TMEM26: variants seen among roughly 807,000 people sequenced by gnomAD.
The protein encoded by TMEM26 is transmembrane protein 26.
In TMEM26, 38 loss-of-function variants were observed where a neutral mutation model predicts 28.8. The ratio of observed to expected loss-of-function variants is 1.32; its 90% confidence interval spans 1.02 to 1.73. The LOEUF is 1.73. TMEM26 is among the 40% of genes most tolerant of loss of function. The pLI is 0.00. For synonymous variants in TMEM26, 227 were observed against 182.9 expected, an observed-to-expected ratio of 1.24 and a Z score of -1.95; for missense variants, 518 against 447.1, an observed-to-expected ratio of 1.16 and a Z score of -1.43.
intron 1 of TMEM26, 84 bp downstream of exon 1, chr10:61,452,807 G>A: frequency 2.0e-6 from 3 of 1,473,616 alleles, no homozygotes; most frequent in Middle Eastern, 1.9e-4. Flanking sequence ...AGAATCTGCG[G>A]GTTGCGGGAA....
chr10:61,425,733 G>A (rs1299964477), intron 4 of TMEM26, among the ~76,000 whole-genome samples: 1 of 152,082 alleles, frequency 6.6e-6, no homozygotes, highest in Non-Finnish European at 1.5e-5. Context: ...TAATGTCCTG[G>A]TGAGATACCA....
At position 61,423,692 on chromosome 10, in the gene TMEM26, G is replaced by A. The variant is rs144011398; in HGVS notation, c.605+5234C>T. Among the ~76,000 whole-genome samples, 7 of 152,170 alleles carry A rather than the reference G, an allele frequency of 4.6e-5. No individual in the cohort carries two copies. The East Asian group carries it at 1.4e-3, about 29-fold the overall frequency. On this transcript the variant is annotated intron_variant, in intron 4 of 5. Coordinates refer to ENST00000399298, the MANE Select transcript of TMEM26 (RefSeq NM_178505.8). ...GGTCAGTGCAATGGTGATCACACTG[G>A]GTGGTGCCTAGACCCGGGCTAAAGG...
intron 4 of TMEM26, among the ~76,000 whole-genome samples, chr10:61,423,189 T>C (rs117098428): frequency 6.6e-6 from 1 of 152,142 alleles, no homozygotes; most frequent in Non-Finnish European, 1.5e-5. Flanking sequence ...AAAGTAATGA[T>C]ATTAAATTGA....
chr10:61,420,191 T>C (rs1057062454), intron 4 of TMEM26, among the ~76,000 whole-genome samples: 2 of 152,166 alleles, frequency 1.3e-5, no homozygotes, highest in African/African-American at 4.8e-5. Context: ...AAAGAAAATG[T>C]TATTTAGAAA....
intron 4 of TMEM26, chr10:61,413,950 C>A (rs1249418907): frequency 2.0e-6 from 2 of 986,732 alleles, no homozygotes; most frequent in Non-Finnish European, 2.4e-6. Flanking sequence ...AAAGACATTT[C>A]AAAAGAGCTA....
At chr10:61,436,802 C>T (rs1589039705) in intron 1 of TMEM26, among the ~76,000 whole-genome samples, 1 of 152,128 alleles carries the variant, frequency 6.6e-6, no homozygotes, top group African/African-American at 2.4e-5. Flanking sequence ...AAAACACCAA[C>T]AACCAACGGT....
intron 1 of TMEM26, among the ~76,000 whole-genome samples, 181 bp from the exon 2 acceptor site, chr10:61,436,429 A>T (rs1840010282): frequency 6.6e-6 from 1 of 152,218 alleles, no homozygotes. Context: ...TTTCTGCCAT[A>T]TGGATTATAA....
intron 4 of TMEM26, among the ~76,000 whole-genome samples, chr10:61,423,516 G>A (rs748048831): frequency 7.9e-5 from 12 of 152,250 alleles, no homozygotes; most frequent in East Asian, 1.9e-4. Flanking sequence ...GGCTTAGGCC[G>A]GGGGACTGAA....
chr10:61,447,542 T>C (rs1840204800), intron 1 of TMEM26, among the ~76,000 whole-genome samples: 1 of 152,226 alleles, frequency 6.6e-6, no homozygotes, highest in Admixed American at 6.5e-5. Context: ...TTTTCAGCTG[T>C]GAGCCATCCA....
intron 1 of TMEM26, among the ~76,000 whole-genome samples, chr10:61,440,452 G>T (rs954365753): frequency 7.0e-6 from 1 of 143,422 alleles, no homozygotes; most frequent in Non-Finnish European, 1.5e-5. Flanking sequence ...CCCACCTCTT[G>T]CTCTCTCTTG....
chr10:61,416,023 A>G, intron 4 of TMEM26: 1 of 413,704 alleles, frequency 2.4e-6, no homozygotes, highest in Non-Finnish European at 4.8e-6. Flanking sequence ...AAATTTCATC[A>G]CAATAGAGGA....
chr10:61,410,577 C>G lies in TMEM26; in HGVS notation c.852G>C (p.Gln284His), dbSNP rs1247191587. 1 of 1,614,142 alleles carries G rather than the reference C, an allele frequency of 6.2e-7. No homozygotes were observed. Among genetic ancestry groups the G allele is most frequent in the Admixed American group, 1.7e-5 (1 of 60,014 alleles). The change falls in exon 6 of 6, where the codon CAG becomes CAC. Residue 284 changes from glutamine (Q) to histidine (H), a missense_variant. Transcript: ENST00000399298. ...TCTTCGCGGCAAAGAACACCAGCAT[C>G]TGATTGATCACTTTGAAATAGGTCA... ...ILMTYFKVIN[Q>H]MLVFFAAKNF...
At chr10:61,419,005 T>A (rs1564473701) in intron 4 of TMEM26, among the ~76,000 whole-genome samples, 3 of 152,140 alleles carry the variant, frequency 2.0e-5, no homozygotes, top group Admixed American at 6.6e-5. Flanking sequence ...GCCCAAGTTA[T>A]TGACTGACCA....
At chr10:61,415,031 CATTTT>C in intron 4 of TMEM26, 1 of 985,354 alleles carries the variant, frequency 1.0e-6, no homozygotes, top group African/African-American at 1.7e-5. Context: ...TTCTACTTCA[CATTTT>C]ATCATGACTT....
At chr10:61,423,481 C>A (rs1178036164) in intron 4 of TMEM26, among the ~76,000 whole-genome samples, 2 of 152,210 alleles carry the variant, frequency 1.3e-5, no homozygotes, top group African/African-American at 4.8e-5. Flanking sequence ...CAGTGGCTCA[C>A]ATCTATAATC....
At chr10:61,415,978 G>A in intron 4 of TMEM26, 1 of 389,356 alleles carries the variant, frequency 2.6e-6, no homozygotes, top group South Asian at 1.9e-5. Flanking sequence ...GGCCAATTCA[G>A]GCTCAAAGGA....
At chr10:61,433,568 T>C (rs576928470) in intron 2 of TMEM26, among the ~76,000 whole-genome samples, 1 of 152,208 alleles carries the variant, frequency 6.6e-6, no homozygotes, top group South Asian at 2.1e-4. Flanking sequence ...GTCACAATCA[T>C]TGTCATAAAC....
intron 4 of TMEM26, among the ~76,000 whole-genome samples, chr10:61,418,446 G>A (rs1839689794): frequency 6.6e-6 from 1 of 151,840 alleles, no homozygotes. Flanking sequence ...CATTTCAAAG[G>A]GGCAGAAACA....
At chr10:61,416,643 T>C (rs1839657177) in intron 4 of TMEM26, among the ~76,000 whole-genome samples, 1 of 152,172 alleles carries the variant, frequency 6.6e-6, no homozygotes, top group Non-Finnish European at 1.5e-5. Context: ...TCTTTGCTTA[T>C]AAAATTGGGA....
Sources: allele counts gnomAD v4.1 joint callset (sites outside exome capture counted in the v4.1 genomes callset), GRCh38; gene constraint gnomAD v4.1.1; transcripts MANE v1.5; gene names NCBI Gene and HGNC (gene_info 2026-07-23, HGNC 2026-07-21).